TRAPPC3L: variants seen among roughly 807,000 people sequenced by gnomAD.
The protein encoded by TRAPPC3L is trafficking protein particle complex subunit 3L.
In TRAPPC3L, 23 loss-of-function variants were observed where a neutral mutation model predicts 23.7. The observed-to-expected ratio is 0.97, with a 90% CI of 0.70 to 1.37. The LOEUF (loss-of-function observed/expected upper bound fraction) is 1.37. Among genes scored for constraint, TRAPPC3L ranks in the 40% most tolerant of loss-of-function variants. TRAPPC3L has a pLI of 0.00. For missense variants in TRAPPC3L, 212 were observed against 216.8 expected (o/e 0.98, Z 0.14); for synonymous variants, 81 against 77.9 (o/e 1.04, Z -0.21).
At chr6:116,530,416 A>G (rs1035703654) in intron 3 of TRAPPC3L, among the ~76,000 whole-genome samples, 9 of 152,228 alleles carry the variant, frequency 5.9e-5, no homozygotes, top group African/African-American at 2.2e-4. Context: ...CTTAGAAAAA[A>G]GAGTAACAAA....
At chr6:116,512,583 G>A (rs767357791) in intron 3 of TRAPPC3L, among the ~76,000 whole-genome samples, 1 of 152,196 alleles carries the variant, frequency 6.6e-6, no homozygotes, top group Non-Finnish European at 1.5e-5. Flanking sequence ...GCTGTAATTA[G>A]AAATTACTGC....
intron 2 of TRAPPC3L, among the ~76,000 whole-genome samples, chr6:116,541,956 T>A (rs1425064626): frequency 1.3e-5 from 2 of 152,218 alleles, no homozygotes. Context: ...AAGATCTTTC[T>A]GCAGCTTCTC....
intron 3 of TRAPPC3L, among the ~76,000 whole-genome samples, chr6:116,536,524 A>C (rs533093524): frequency 1.3e-5 from 2 of 152,212 alleles, no homozygotes; most frequent in Non-Finnish European, 2.9e-5. Context: ...CTGTTCCTAC[A>C]TGTAGTCTTT....
At chr6:116,535,139 C>A (rs1199868837) in intron 3 of TRAPPC3L, among the ~76,000 whole-genome samples, 1 of 152,214 alleles carries the variant, frequency 6.6e-6, no homozygotes, top group African/African-American at 2.4e-5. Context: ...ATTCACCACA[C>A]TCAGCTATTT....
intron 3 of TRAPPC3L, among the ~76,000 whole-genome samples, chr6:116,539,704 G>C (rs908730622): frequency 2.6e-5 from 4 of 152,084 alleles, no homozygotes; most frequent in African/African-American, 7.2e-5. Context: ...AAAAAAATGA[G>C]ACTGACTTAA....
In TRAPPC3L at chr6:116,543,842, T is replaced by A. The variant is rs1338981691; in HGVS notation, c.43-442A>T. 3 of 1,534,224 alleles carry A rather than the reference T, an allele frequency of 2.0e-6. No homozygotes were observed. The Admixed American group carries it at 5.9e-5, about 30-fold the overall frequency. On this transcript the variant is annotated intron_variant, in intron 1 of 4. Transcript: ENST00000368602. ...GCCCCCAGATCTGCCAAGGAGACCTTCAGGATAAACCCAAATGTAGCAGCA... is the reference window on the plus strand; with the variant it reads ...GCCCCCAGATCTGCCAAGGAGACCTACAGGATAAACCCAAATGTAGCAGCA...
chr6:116,508,279 T>C (rs1239692569), intron 3 of TRAPPC3L, among the ~76,000 whole-genome samples: 2 of 152,194 alleles, frequency 1.3e-5, no homozygotes, highest in African/African-American at 4.8e-5. Context: ...AATGGGCATC[T>C]ATTGACTGAA....
chr6:116,510,539 C>T (rs796799492), intron 3 of TRAPPC3L, among the ~76,000 whole-genome samples: 7 of 152,054 alleles, frequency 4.6e-5, no homozygotes, highest in Admixed American at 1.3e-4. Context: ...CCACCTGCCT[C>T]GACCTCCCAA....
intron 3 of TRAPPC3L, chr6:116,524,524 T>C (rs1772409801): frequency 6.6e-6 from 1 of 152,230 alleles, no homozygotes; most frequent in Admixed American, 6.5e-5. Flanking sequence ...GAGTGTATTG[T>C]AAGCATTACT....
chr6:116,496,906 C>T lies in TRAPPC3L; in HGVS notation c.*48G>A. On this transcript the variant is annotated 3_prime_UTR_variant, in exon 5 of 5. Coordinates refer to ENST00000368602, the MANE Select transcript of TRAPPC3L (RefSeq NM_001139444.3). Reference sequence around the variant, plus strand: ...AATTTCTATGTCTATACATGTTTAGCTAACATTAACTCAGCTAGCCGCCCC... The same window carrying T: ...AATTTCTATGTCTATACATGTTTAGTTAACATTAACTCAGCTAGCCGCCCC... 1 of 1,518,622 alleles carries T rather than the reference C, an allele frequency of 6.6e-7. No homozygotes were observed. Among genetic ancestry groups the T allele is most frequent in the Admixed American group, 2.5e-5 (1 of 40,412 alleles). 94.1% of individuals were successfully genotyped at this position (1,518,622 alleles called of 1,614,324 possible). A position where few individuals can be genotyped will look rare whatever the true frequency, so the allele number is the denominator to read the frequency against.
rs373789624 is a variant in TRAPPC3L at position 116,520,346 on chromosome 6, T to A, written c.241-19680A>T. The A allele has an allele frequency of 6.6e-5, 10 of 152,316 alleles. No individual in the cohort carries two copies. The South Asian group carries it at 1.0e-3, about 16-fold the overall frequency. The allele number at this position is 152,316 out of a possible 1,614,324, so 9.4% of individuals were successfully genotyped here. On this transcript the variant is annotated intron_variant, in intron 3 of 4. Transcript: ENST00000368602. ...AATTCTCTAAGGTAATTATCTTAAT[T>A]TTCTAATATTTCCCTCTCATTTTTC...
At position 116,500,952 on chromosome 6, in the gene TRAPPC3L, C is replaced by A. The variant is rs974470035; in HGVS notation, c.241-286G>T. Among the ~76,000 whole-genome samples, 7 of 152,184 alleles carry A rather than the reference C, an allele frequency of 4.6e-5. No homozygotes were observed. The East Asian group carries it at 1.3e-3, about 29-fold the overall frequency. ...AGAAGATGGGTAATTTCTGCATTTC[C>A]AACTGAGGTACCTGGTTCATCTCAC... is the stretch of plus-strand genomic sequence containing the variant. On this transcript the variant is annotated intron_variant, in intron 3 of 4. Coordinates refer to ENST00000368602, the MANE Select transcript of TRAPPC3L (RefSeq NM_001139444.3).
chr6:116,539,620 T>C (rs9400931), intron 3 of TRAPPC3L, among the ~76,000 whole-genome samples: 57,120 of 151,998 alleles, frequency 0.38, 12,408 homozygotes, highest in East Asian at 0.54. Context: ...GAAAGCATGA[T>C]GGTATAGAAT....
chr6:116,543,620 G>T (rs1340627116), intron 1 of TRAPPC3L: 2 of 645,520 alleles, frequency 3.1e-6, no homozygotes, highest in South Asian at 1.9e-5. Context: ...TAAATAAAAT[G>T]AATTTCGTAA....
chr6:116,541,873 A>G (rs1164428712), intron 2 of TRAPPC3L, among the ~76,000 whole-genome samples: 2 of 152,184 alleles, frequency 1.3e-5, no homozygotes, highest in African/African-American at 4.8e-5. Context: ...TAGATATTTT[A>G]TAAATTAAAA....
chr6:116,511,828 C>A, intron 3 of TRAPPC3L: 1 of 1,614,078 alleles, frequency 6.2e-7, no homozygotes, highest in Non-Finnish European at 8.5e-7. Context: ...GCCCCTGCAG[C>A]ACTGAGAATA....
At position 116,497,043 on chromosome 6, in the gene TRAPPC3L, G is replaced by C; in HGVS notation, c.457C>G (p.Gln153Glu). The change falls in exon 5 of 5, where the codon CAA (glutamine) becomes GAA (glutamate). Residue 153 changes from glutamine (Q) to glutamate (E), a missense_variant. Physicochemically the swap from Gln to Glu is conservative, Grantham distance 29. Coordinates refer to ENST00000368602, the MANE Select transcript of TRAPPC3L (RefSeq NM_001139444.3). Reference protein sequence around the residue: ...VHLAADVTFLQDRLKGDSVTE... With the variant: ...VHLAADVTFLEDRLKGDSVTE... The stretch of plus-strand genomic sequence containing the variant: ...ACACTGTCACCTTTTAGTCTGTCTT[G>C]CAAGAATGTAACATCAGCCGCCAAA... 1.3e-6 allele frequency: 2 copies of C among 1,543,840 alleles called. No homozygotes were observed. The highest frequency in any genetic ancestry group is 1.2e-5 in the South Asian group (1 of 82,690).
At chr6:116,516,664 T>A (rs1304430305) in intron 3 of TRAPPC3L, 3 of 6,674 alleles carry the variant, frequency 4.5e-4, no homozygotes, top group Non-Finnish European at 9.1e-4. Context: ...GTAACAAATA[T>A]ATATATATAT....
At chr6:116,507,490 A>G (rs1176918962) in intron 3 of TRAPPC3L, among the ~76,000 whole-genome samples, 1 of 152,178 alleles carries the variant, frequency 6.6e-6, no homozygotes, top group African/African-American at 2.4e-5. Flanking sequence ...GAAACCTCTC[A>G]CTGTCCGTAC....
Sources: gnomAD v4.1 joint callset for allele counts (sites outside exome capture counted in the v4.1 genomes callset) on GRCh38, gnomAD v4.1.1 for gene constraint, MANE v1.5 for transcripts, NCBI Gene and HGNC (gene_info 2026-07-23, HGNC 2026-07-21) for gene names.